CRIM1: variants seen among roughly 807,000 people sequenced by gnomAD.
CRIM1 encodes cysteine rich transmembrane BMP regulator 1, also known as cysteine-rich motor neuron 1 protein.
A neutral mutation model predicts 116.4 loss-of-function variants in CRIM1; 32 were observed. The observed-to-expected ratio is 0.27, with a 90% confidence interval of 0.21 to 0.37. The LOEUF (loss-of-function observed/expected upper bound fraction) is 0.37. Among genes scored for constraint, CRIM1 ranks in the 10% least tolerant of loss-of-function variants. The probability of loss-of-function intolerance (pLI) is 1.00; values close to 1 mark genes in which losing one functional copy is unlikely to be tolerated. For synonymous variants in CRIM1, 590 were observed against 509.2 expected (o/e 1.16, Z -2.13); for missense variants, 1,331 against 1,354.8 (o/e 0.98, Z 0.28).
intron 4 of CRIM1, among the ~76,000 whole-genome samples, chr2:36,460,999 G>A (rs533589691): frequency 3.3e-5 from 5 of 152,322 alleles, no homozygotes; most frequent in African/African-American, 1.2e-4. Context: ...GAGCATGACC[G>A]TAGCAATGGA....
chr2:36,518,054 C>T (rs901324500), intron 12 of CRIM1, among the ~76,000 whole-genome samples: 9 of 152,142 alleles, frequency 5.9e-5, no homozygotes, highest in Non-Finnish European at 1.2e-4. Context: ...TGCCAAAAAG[C>T]ATTAAGTGAC....
intron 11 of CRIM1, among the ~76,000 whole-genome samples, chr2:36,516,457 C>T (rs879739791): frequency 6.6e-6 from 1 of 152,208 alleles, no homozygotes; most frequent in Non-Finnish European, 1.5e-5. Flanking sequence ...CTCCCAGCCC[C>T]TCTTCAGACA....
At chr2:36,434,174 T>A (rs571868121) in intron 2 of CRIM1, among the ~76,000 whole-genome samples, 1 of 152,358 alleles carries the variant, frequency 6.6e-6, no homozygotes, top group South Asian at 2.1e-4. Context: ...GTATTACATT[T>A]GTAATAAAAG....
At chr2:36,479,208 C>T (rs535782612) in intron 6 of CRIM1, among the ~76,000 whole-genome samples, 1 of 152,202 alleles carries the variant, frequency 6.6e-6, no homozygotes, top group East Asian at 1.9e-4. Context: ...ACAGCTCTTG[C>T]CACAAAGCTT....
chr2:36,540,194 TG>T (rs1666854022), intron 14 of CRIM1, among the ~76,000 whole-genome samples: 1 of 152,154 alleles, frequency 6.6e-6, no homozygotes, highest in Non-Finnish European at 1.5e-5. Flanking sequence ...AGATGCGATG[TG>T]GGAACAGACT....
chr2:36,491,160 T>C (rs910562832), intron 7 of CRIM1, among the ~76,000 whole-genome samples: 5 of 152,162 alleles, frequency 3.3e-5, no homozygotes, highest in African/African-American at 1.2e-4. Context: ...TAATTAAAAT[T>C]TGGGATGTCA....
At chr2:36,455,956 G>T (rs890344077) in intron 4 of CRIM1, among the ~76,000 whole-genome samples, 2 of 152,152 alleles carry the variant, frequency 1.3e-5, no homozygotes, top group Non-Finnish European at 2.9e-5. Context: ...TGACAAGGAT[G>T]AGAGGCTGGG....
chr2:36,487,086 A>G (rs1283835160), intron 7 of CRIM1, among the ~76,000 whole-genome samples: 1 of 152,194 alleles, frequency 6.6e-6, no homozygotes, highest in Non-Finnish European at 1.5e-5. Context: ...TTAACATTTT[A>G]ATTAGTAATC....
chr2:36,478,549 G>A (rs537887134), intron 6 of CRIM1, among the ~76,000 whole-genome samples: 64 of 152,268 alleles, frequency 4.2e-4, no homozygotes, highest in African/African-American at 1.3e-3. Flanking sequence ...TCCATTGGCC[G>A]CCTCCCTCTC....
intron 16 of CRIM1, among the ~76,000 whole-genome samples, 181 bp from the exon 17 acceptor site, chr2:36,548,344 C>A (rs986006201): frequency 6.8e-6 from 1 of 147,916 alleles, no homozygotes; most frequent in Non-Finnish European, 1.5e-5. Context: ...TACAGTTTGT[C>A]AGTGTCCCTC....
chr2:36,548,071 T>G (rs1321212822), intron 16 of CRIM1, among the ~76,000 whole-genome samples: 1 of 152,088 alleles, frequency 6.6e-6, no homozygotes, highest in African/African-American at 2.4e-5. Context: ...TGTCCAAAGC[T>G]GGGAAACAGA....
At chr2:36,510,620 G>A (rs554127630) in intron 9 of CRIM1, among the ~76,000 whole-genome samples, 2 of 152,082 alleles carry the variant, frequency 1.3e-5, no homozygotes, top group Non-Finnish European at 2.9e-5. Context: ...TCAGCGTTTC[G>A]TATTTTTTTC....
At chr2:36,364,897 AAAT>A (rs1187112418) in intron 1 of CRIM1, among the ~76,000 whole-genome samples, 1 of 152,080 alleles carries the variant, frequency 6.6e-6, no homozygotes, top group Admixed American at 6.5e-5. Context: ...AGATTTTTTA[AAAT>A]AATATTAATT....
chr2:36,504,335 T>C (rs1310948348), intron 8 of CRIM1, among the ~76,000 whole-genome samples: 2 of 152,194 alleles, frequency 1.3e-5, no homozygotes, highest in Admixed American at 6.6e-5. Flanking sequence ...TTGACTCACA[T>C]TGGTAATTTG....
chr2:36,382,830 C>T (rs570515473), intron 1 of CRIM1, among the ~76,000 whole-genome samples: 2 of 152,214 alleles, frequency 1.3e-5, no homozygotes, highest in Non-Finnish European at 2.9e-5. Flanking sequence ...AAGTTAAAAG[C>T]TGTGCATCTC....
rs187953315 is a variant in CRIM1 at position 36,371,815 on chromosome 2, G to A, written c.331+15192G>A. Among the ~76,000 whole-genome samples the A allele has an allele frequency of 5.3e-5, 8 of 152,188 alleles. No individual in the cohort carries two copies. The East Asian group carries it at 1.4e-3, about 26-fold the overall frequency. On this transcript the variant is annotated intron_variant, in intron 1 of 16. Coordinates refer to ENST00000280527, the MANE Select transcript of CRIM1 (RefSeq NM_016441.3). Reference sequence around the variant, plus strand: ...CTTGTAACCTTCTCTTGACTGCCAGGGATCTGATATACTAAACGGTTGAGA... The same window carrying A: ...CTTGTAACCTTCTCTTGACTGCCAGAGATCTGATATACTAAACGGTTGAGA...
At chr2:36,383,837 C>T (rs929347317) in intron 1 of CRIM1, among the ~76,000 whole-genome samples, 2 of 152,044 alleles carry the variant, frequency 1.3e-5, no homozygotes, top group South Asian at 2.1e-4. Flanking sequence ...AAATGGGATC[C>T]GTAAAGGCCC....
chr2:36,396,788 G>A lies in CRIM1; in HGVS notation c.505+1G>A. 1 of 1,603,914 alleles carries A rather than the reference G, an allele frequency of 6.2e-7. No homozygotes were observed. Among genetic ancestry groups the A allele is most frequent in the Middle Eastern group, 1.7e-4 (1 of 6,018 alleles). ...CTTTCAGCTTTAAAGAGAATTGAAGGTAAGCATTAATTTTTGTTAACCATC... is the reference window on the plus strand; with the variant it reads ...CTTTCAGCTTTAAAGAGAATTGAAGATAAGCATTAATTTTTGTTAACCATC... On this transcript the variant is annotated splice_donor_variant, in intron 2 of 16. Transcript: ENST00000280527. LOFTEE classifies it high-confidence loss of function.
intron 16 of CRIM1, among the ~76,000 whole-genome samples, chr2:36,547,937 A>C (rs538720850): frequency 6.6e-6 from 1 of 152,318 alleles, no homozygotes; most frequent in African/African-American, 2.4e-5. Flanking sequence ...ATGTAATGTA[A>C]TTTACCATCT....
Sources: gnomAD v4.1 joint callset for allele counts (sites outside exome capture counted in the v4.1 genomes callset) on GRCh38, gnomAD v4.1.1 for gene constraint, MANE v1.5 for transcripts, NCBI Gene and HGNC (gene_info 2026-07-23, HGNC 2026-07-21) for gene names.